AADAT: variants seen among roughly 807,000 people sequenced by gnomAD.
AADAT encodes the protein kynurenine/alpha-aminoadipate aminotransferase, mitochondrial.
Under a neutral mutation model 56.2 loss-of-function variants are expected in AADAT, and 25 were observed. The ratio of observed to expected loss-of-function variants is 0.44; its 90% CI spans 0.32 to 0.62. AADAT has a LOEUF of 0.62. AADAT is among the 20% of genes least tolerant of loss of function. The pLI is 0.04. For synonymous variants in AADAT, 173 were observed against 164.7 expected, an observed-to-expected ratio of 1.05 and a Z score of -0.39; for missense variants, 387 against 510.5, an observed-to-expected ratio of 0.76 and a Z score of 2.33.
chr4:170,069,026 T>A, intron 7 of AADAT, 122 bp downstream of exon 7: 1 of 754,010 alleles, frequency 1.3e-6, no homozygotes, highest in Admixed American at 3.3e-5. Flanking sequence ...ATGAAACTGG[T>A]ATTTTAAGAC....
chr4:170,092,257 A>G (rs549789102), upstream of AADAT, among the ~76,000 whole-genome samples: 138 of 152,304 alleles, frequency 9.1e-4, no homozygotes, highest in Middle Eastern at 3.4e-3. Flanking sequence ...TTGGGTCCAC[A>G]TTGCTTTTAT....
At chr4:170,083,274 G>A (rs546175511) in intron 3 of AADAT, among the ~76,000 whole-genome samples, 9 of 152,024 alleles carry the variant, frequency 5.9e-5, no homozygotes, top group African/African-American at 1.4e-4. Flanking sequence ...ATTAAACAAC[G>A]TGCTCCTGAA....
chr4:170,090,672 T>C (rs1437557084), upstream of AADAT: 1 of 151,768 alleles, frequency 6.6e-6, no homozygotes, highest in Non-Finnish European at 1.5e-5. Context: ...ACCTTGCCTT[T>C]TTTTTTCTTA....
At chr4:170,075,955 G>T (rs1238270276) in intron 4 of AADAT, among the ~76,000 whole-genome samples, 1 of 152,076 alleles carries the variant, frequency 6.6e-6, no homozygotes, top group African/African-American at 2.4e-5. Context: ...ATATTCCATT[G>T]TATGTATATA....
upstream of AADAT, among the ~76,000 whole-genome samples, chr4:170,092,474 G>A (rs911695955): frequency 3.9e-5 from 6 of 152,216 alleles, no homozygotes; most frequent in Non-Finnish European, 5.9e-5. Context: ...AACCTCAGAA[G>A]GAACAAACTC....
chr4:170,073,468 A>G, intron 4 of AADAT, 123 bp from the exon 5 acceptor site: 1 of 821,214 alleles, frequency 1.2e-6, no homozygotes. Flanking sequence ...ATAAACCCGC[A>G]ACCAGCTCTG....
chr4:170,080,866 A>G (rs1732263220), intron 3 of AADAT, among the ~76,000 whole-genome samples: 1 of 152,156 alleles, frequency 6.6e-6, no homozygotes, highest in African/African-American at 2.4e-5. Context: ...AGAATAAATA[A>G]CTAATCCTTT....
chr4:170,075,588 C>T (rs1055551462), intron 4 of AADAT, among the ~76,000 whole-genome samples: 3 of 152,206 alleles, frequency 2.0e-5, no homozygotes, highest in African/African-American at 7.2e-5. Flanking sequence ...GGATTACAGG[C>T]GTGAGCCACC....
rs1399149046 is a variant in AADAT at position 170,060,617 on chromosome 4, C to T, written c.*311G>A. 4.5e-6 allele frequency: 1 copy of T among 220,166 alleles called. No individual in the cohort carries two copies. The highest frequency in any genetic ancestry group is 1.6e-4 in the South Asian group (1 of 6,156). The allele number at this position is 220,166 out of a possible 1,614,324, so 13.6% of individuals were successfully genotyped here. On this transcript the variant is annotated 3_prime_UTR_variant, in exon 13 of 13. Transcript: ENST00000337664. ...CTTTAAAAGGTGTCTAGTTGAACTA[C>T]TACAGATAGGACATGTTTGAGGAAA... is the stretch of plus-strand genomic sequence containing the variant.
Position 170,061,054 on chromosome 4 carries a change from A to AGAGTATCT in AADAT, c.1237-93_1237-86dup, listed in dbSNP as rs149113985. On this transcript the variant is annotated intron_variant, in intron 12 of 12. Coordinates refer to ENST00000337664, the MANE Select transcript of AADAT (RefSeq NM_016228.4). ...GTAATAACTTTAAAAATCCAAACAA[A>AGAGTATCT]GAGTATCTGTCTAAGGTTGAGAGAA... 5.5e-4 allele frequency: 554 copies of AGAGTATCT among 1,007,690 alleles called. 2 individuals carry two copies. The African/African-American group carries it at 8.0e-3, about 15-fold the overall frequency. 62.4% of individuals were successfully genotyped at this position (1,007,690 alleles called of 1,614,324 possible). A position where few individuals can be genotyped will look rare whatever the true frequency, so the allele number is the denominator to read the frequency against.
intron 4 of AADAT, 27 bp downstream of exon 4, chr4:170,078,482 T>C: frequency 7.0e-7 from 1 of 1,433,834 alleles, no homozygotes; most frequent in Non-Finnish European, 9.7e-7. Flanking sequence ...TACAAGAGAG[T>C]TGCCTTTAGT....
At chr4:170,075,136 T>C (rs1357478010) in intron 4 of AADAT, among the ~76,000 whole-genome samples, 1 of 152,234 alleles carries the variant, frequency 6.6e-6, no homozygotes, top group Non-Finnish European at 1.5e-5. Flanking sequence ...TTTCTGTTTT[T>C]CTGTTTGGGT....
chr4:170,060,926 C>T lies in AADAT; in HGVS notation c.*2G>A, dbSNP rs1270673493. ...CACCATGCCCAACCTAGTTTAATTTCTTCATAAAGATTCTTTTATAAGTTG... is the reference window on the plus strand; with the variant it reads ...CACCATGCCCAACCTAGTTTAATTTTTTCATAAAGATTCTTTTATAAGTTG... On this transcript the variant is annotated 3_prime_UTR_variant, in exon 13 of 13. Coordinates refer to ENST00000337664, the MANE Select transcript of AADAT (RefSeq NM_016228.4). The T allele has an allele frequency of 3.2e-6, 5 of 1,542,244 alleles. No homozygotes were observed. The African/African-American group carries it at 4.1e-5, about 13-fold the overall frequency.
chr4:170,091,195 G>A (rs989687836), upstream of AADAT, among the ~76,000 whole-genome samples: 30 of 152,216 alleles, frequency 2.0e-4, no homozygotes, highest in Admixed American at 3.3e-4. Context: ...AGCGGAGGCC[G>A]GAGCCGGCTC....
intron 3 of AADAT, among the ~76,000 whole-genome samples, chr4:170,083,663 G>A (rs990951533): frequency 2.6e-5 from 4 of 152,022 alleles, no homozygotes; most frequent in African/African-American, 9.7e-5. Flanking sequence ...AATGCAATCA[G>A]AAAAACCTCA....
chr4:170,067,514 TTA>T (rs763544943), intron 8 of AADAT, 126 bp from the exon 9 acceptor site: 1 of 629,528 alleles, frequency 1.6e-6, no homozygotes. Flanking sequence ...TGAGCCTAGC[TTA>T]TATAGTCAGT....
chr4:170,065,309 A>C (rs2111145485), intron 10 of AADAT, among the ~76,000 whole-genome samples: 1 of 152,340 alleles, frequency 6.6e-6, no homozygotes, highest in African/African-American at 2.4e-5. Flanking sequence ...GAAATACTTA[A>C]AATTCAAGAA....
upstream of AADAT, chr4:170,091,716 G>A (rs1732844995): frequency 6.6e-6 from 1 of 152,352 alleles, no homozygotes; most frequent in Non-Finnish European, 1.5e-5. Context: ...GAGACTTGGA[G>A]AACCTTTATG....
Position 170,088,557 on chromosome 4 carries a change from T to C in AADAT, c.75A>G (p.Ile25Met), listed in dbSNP as rs1732676541. 1 of 1,611,254 alleles carries C rather than the reference T, an allele frequency of 6.2e-7. No homozygotes were observed. The highest frequency in any genetic ancestry group is 8.5e-7 in the Non-Finnish European group (1 of 1,177,676). ...TCATCGATTTTGGTCCTCTGCTCAA[T>C]ATGTCAGCTACAATACACATGGAAG... ...NPSPIRTMTD[I>M]LSRGPKSMIS... The change falls in exon 2 of 13, where the codon ATA becomes ATG. Residue 25 changes from isoleucine to methionine, a missense_variant. Physicochemically the swap from Ile to Met is conservative, Grantham distance 10 (BLOSUM62 1). Transcript: ENST00000337664.
Sources: allele counts gnomAD v4.1 joint callset (sites outside exome capture counted in the v4.1 genomes callset), GRCh38; gene constraint gnomAD v4.1.1; transcripts MANE v1.5; gene names NCBI Gene and HGNC (gene_info 2026-07-23, HGNC 2026-07-21).